The following METTL22 variants were observed in gnomAD, a reference collection of about 807,000 sequenced individuals.
METTL22 encodes the protein methyltransferase 22, Kin17 lysine.
A neutral mutation model predicts 48.4 loss-of-function variants in METTL22; 51 were observed. The ratio of observed to expected loss-of-function variants is 1.05; its 90% confidence interval spans 0.84 to 1.33. The LOEUF is 1.33. METTL22 is among the 40% of genes most tolerant of loss of function. The pLI, the probability that METTL22 is intolerant of heterozygous loss-of-function variation, is 0.00. For missense variants in METTL22, 678 were observed against 526.9 expected, an observed-to-expected ratio of 1.29 and a Z score of -2.81; for synonymous variants, 255 against 214.1, an observed-to-expected ratio of 1.19 and a Z score of -1.67.
the METTL22 span, among the ~76,000 whole-genome samples, chr16:8,664,276 C>G: frequency 2.0e-5 from 3 of 151,960 alleles, no homozygotes; most frequent in Admixed American, 6.6e-5. Context: ...TTTGCAAGTT[C>G]ACCTGTCTGT....
At position 8,646,793 on chromosome 16, in the gene METTL22, TTCC is replaced by T. The variant is rs748420924; in HGVS notation, c.*653_*655del. 122 of 411,298 alleles carry T rather than the reference TTCC, an allele frequency of 3.0e-4. No individual in the cohort carries two copies. The highest frequency in any genetic ancestry group is 3.9e-4 in the Non-Finnish European group (80 of 204,380). The allele number at this position is 411,298 out of a possible 1,614,324, so 25.5% of individuals were successfully genotyped here. On this transcript the variant is annotated 3_prime_UTR_variant, in exon 11 of 11. Coordinates refer to ENST00000381920, the MANE Select transcript of METTL22 (RefSeq NM_024109.4). ...GCTGACCAGGGTTTGTGCAGTGATC[TTCC>T]TCAGAGGTGTTCCCTTCCGCCTGGA...
chr16:8,650,152 C>T (rs1263613156), downstream of METTL22, among the ~76,000 whole-genome samples: 2 of 152,146 alleles, frequency 1.3e-5, no homozygotes, highest in Admixed American at 6.5e-5. Flanking sequence ...ATACAGAGAC[C>T]CTATCTCTAA....
chr16:8,623,873 A>G (rs1219856990), intron 1 of METTL22: 1 of 152,206 alleles, frequency 6.6e-6, no homozygotes, highest in East Asian at 1.9e-4. Flanking sequence ...GGGGGCCCTG[A>G]AGATTTCATG....
rs1400876006 is a variant in METTL22 at position 8,647,655 on chromosome 16, C to T, written c.*1512C>T. On this transcript the variant is annotated 3_prime_UTR_variant, in exon 11 of 11. Coordinates refer to ENST00000381920, the MANE Select transcript of METTL22 (RefSeq NM_024109.4). ...GCCCAAAATGTGAGTAGCGCCGAGGCGGAGAAATCCTGACTTGGAAGAAGA... is the reference window on the plus strand; with the variant it reads ...GCCCAAAATGTGAGTAGCGCCGAGGTGGAGAAATCCTGACTTGGAAGAAGA... 1.3e-5 allele frequency: 2 copies of T among 152,146 alleles called. No individual in the cohort carries two copies. The highest frequency in any genetic ancestry group is 2.4e-5 in the African/African-American group (1 of 41,420). The allele number at this position is 152,146 out of a possible 1,614,324, so 9.4% of individuals were successfully genotyped here.
the METTL22 span, among the ~76,000 whole-genome samples, chr16:8,659,915 G>A: frequency 2.6e-5 from 4 of 151,844 alleles, no homozygotes; most frequent in Non-Finnish European, 4.4e-5. Flanking sequence ...TTGTAGAGAC[G>A]GGGTCTCACT....
the METTL22 span, among the ~76,000 whole-genome samples, chr16:8,661,893 C>G: frequency 1.4e-5 from 2 of 144,626 alleles, no homozygotes; most frequent in Non-Finnish European, 3.0e-5. Context: ...ATTTTAGGGA[C>G]ACGTAAGCTA....
At chr16:8,652,250 G>T (rs2056909875), downstream of METTL22, among the ~76,000 whole-genome samples, 1 of 151,806 alleles carries the variant, frequency 6.6e-6, no homozygotes, top group Non-Finnish European at 1.5e-5. Flanking sequence ...TTTGCGGTCA[G>T]GAGTTCAAGA....
intron 1 of METTL22, among the ~76,000 whole-genome samples, chr16:8,624,903 G>A (rs967221772): frequency 6.6e-5 from 10 of 151,952 alleles, no homozygotes; most frequent in African/African-American, 2.2e-4. Flanking sequence ...AAATAGGAAA[G>A]CTTTATAACA....
At chr16:8,656,714 C>A in the METTL22 span, among the ~76,000 whole-genome samples, 1 of 152,236 alleles carries the variant, frequency 6.6e-6, no homozygotes, top group East Asian at 1.9e-4. Context: ...CCTGACAACC[C>A]AGGAAGCTGT....
chr16:8,656,267 A>G, the METTL22 span, among the ~76,000 whole-genome samples: 105 of 152,156 alleles, frequency 6.9e-4, no homozygotes, highest in Non-Finnish European at 1.4e-3. Flanking sequence ...TTAAGAGAAA[A>G]GCATTTTGAA....
At chr16:8,659,471 C>T in the METTL22 span, among the ~76,000 whole-genome samples, 2 of 152,130 alleles carry the variant, frequency 1.3e-5, no homozygotes, top group African/African-American at 4.8e-5. Context: ...AAGGAGTGTC[C>T]ACATGCTGGA....
downstream of METTL22, among the ~76,000 whole-genome samples, chr16:8,652,689 T>TG (rs2056917285): frequency 2.7e-4 from 1 of 3,720 alleles, no homozygotes; most frequent in East Asian, 0.17. Context: ...AAAAAAAAAA[T>TG]TTTTTTAATT....
At chr16:8,651,402 A>AAAAAAAAAAAAAAAAAT (rs2056895953), downstream of METTL22, among the ~76,000 whole-genome samples, 1 of 150,572 alleles carries the variant, frequency 6.6e-6, no homozygotes, top group Non-Finnish European at 1.5e-5. Context: ...AAAAAAAAAA[A>AAAAAAAAAAAAAAAAAT]ACATACTAAA....
In METTL22 at chr16:8,642,482, G is replaced by A; in HGVS notation, c.927G>A (p.Leu309=). The A allele has an allele frequency of 6.2e-7, 1 of 1,614,168 alleles. No individual in the cohort carries two copies. The highest frequency in any genetic ancestry group is 8.5e-7 in the Non-Finnish European group (1 of 1,180,036). The change falls in exon 9 of 11, where the codon TTG becomes TTA. Residue 309 remains leucine (L), a synonymous_variant. Transcript: ENST00000381920. ...FAAEVFYDDD[L]TDAVFKTLSR... ...CCACAGTGTTTTACGACGACGACTT[G>A]ACTGATGCTGTGTTTAAAACGCTCT...
In METTL22 at chr16:8,642,609, A is replaced by G. The variant is rs369247196; in HGVS notation, c.1010+44A>G. 7 of 1,560,882 alleles carry G rather than the reference A, an allele frequency of 4.5e-6. No homozygotes were observed. The African/African-American group carries it at 6.8e-5, about 15-fold the overall frequency. ...GAACCGTGCTGACGTCCCGAGTGTC[A>G]GCGGAACTCTCACCTCCTAATTGTG... On this transcript the variant is annotated intron_variant, in intron 9 of 10. Transcript: ENST00000381920.
At chr16:8,625,934 T>C (rs1596331289) in intron 2 of METTL22, 136 bp downstream of exon 2, 5 of 1,110,008 alleles carry the variant, frequency 4.5e-6, no homozygotes, top group Non-Finnish European at 6.4e-6. Flanking sequence ...GTGCCCTTTT[T>C]TTCTTTATGA....
At chr16:8,637,863 CGTG>C (rs1219445595) in intron 5 of METTL22, among the ~76,000 whole-genome samples, 1 of 151,954 alleles carries the variant, frequency 6.6e-6, no homozygotes, top group East Asian at 1.9e-4. Flanking sequence ...CCTGGCCAGG[CGTG>C]GTGGCTAATG....
intron 3 of METTL22, among the ~76,000 whole-genome samples, chr16:8,629,877 T>C (rs2056195069): frequency 6.6e-6 from 1 of 152,108 alleles, no homozygotes. Flanking sequence ...TCTTCACTAG[T>C]ATCGAGTGGC....
At chr16:8,662,823 G>A in the METTL22 span, among the ~76,000 whole-genome samples, 18 of 144,502 alleles carry the variant, frequency 1.2e-4, 2 homozygotes, top group Non-Finnish European at 1.8e-4. Flanking sequence ...TGTAAAATGC[G>A]CACACTACTA....
Sources: gnomAD v4.1 joint callset for allele counts (sites outside exome capture counted in the v4.1 genomes callset) on GRCh38, gnomAD v4.1.1 for gene constraint, MANE v1.5 for transcripts, NCBI Gene and HGNC (gene_info 2026-07-23, HGNC 2026-07-21) for gene names.